The following EFCAB14 variants were observed in gnomAD, a reference collection of about 807,000 sequenced individuals.
The protein encoded by EFCAB14 is EF-hand calcium binding domain 14, also known as EF-hand calcium-binding domain-containing protein 14.
A neutral mutation model predicts 56.5 loss-of-function variants in EFCAB14; 43 were observed. The observed-to-expected ratio is 0.76, with a 90% CI of 0.60 to 0.98. The LOEUF (loss-of-function observed/expected upper bound fraction) is 0.98. Among genes scored for constraint, EFCAB14 ranks in the 50% least tolerant of loss-of-function variants. The pLI is 0.00. For synonymous variants in EFCAB14, 235 were observed against 212.9 expected (o/e 1.10, Z -0.90); for missense variants, 538 against 580.3 (o/e 0.93, Z 0.75).
At chr1:46,681,666 T>TC (rs1676797077) in intron 10 of EFCAB14, among the ~76,000 whole-genome samples, 1 of 151,418 alleles carries the variant, frequency 6.6e-6, no homozygotes, top group Middle Eastern at 3.2e-3. Flanking sequence ...GAGTTCTGTT[T>TC]TTTTTTTTCT....
intron 2 of EFCAB14, among the ~76,000 whole-genome samples, chr1:46,714,266 C>T (rs1677353123): frequency 6.6e-6 from 1 of 152,022 alleles, no homozygotes; most frequent in African/African-American, 2.4e-5. Context: ...AACTTTAATT[C>T]CAGTTCTGGA....
At chr1:46,702,742 G>A (rs1677177919) in intron 3 of EFCAB14, among the ~76,000 whole-genome samples, 2 of 152,024 alleles carry the variant, frequency 1.3e-5, no homozygotes, top group Admixed American at 1.3e-4. Flanking sequence ...AGAGTACAGT[G>A]TACAACTTTC....
chr1:46,695,048 A>G (rs1677058300), intron 4 of EFCAB14, among the ~76,000 whole-genome samples: 1 of 137,988 alleles, frequency 7.2e-6, no homozygotes, highest in East Asian at 2.3e-4. Flanking sequence ...TGGACACAGG[A>G]AGGGGAACAT....
At chr1:46,703,607 T>C (rs1283633657) in intron 3 of EFCAB14, among the ~76,000 whole-genome samples, 1 of 152,156 alleles carries the variant, frequency 6.6e-6, no homozygotes, top group Non-Finnish European at 1.5e-5. Context: ...TCCCTGCACT[T>C]TGGAACAATA....
intron 10 of EFCAB14, among the ~76,000 whole-genome samples, chr1:46,681,704 C>T (rs1285097041): frequency 6.8e-6 from 1 of 147,818 alleles, no homozygotes; most frequent in South Asian, 2.1e-4. Flanking sequence ...GTTTATACAA[C>T]ATGCTACACT....
intron 3 of EFCAB14, among the ~76,000 whole-genome samples, chr1:46,701,817 TG>T (rs1677162525): frequency 6.6e-6 from 1 of 152,240 alleles, no homozygotes. Flanking sequence ...TTATAAAACC[TG>T]GATCACCCAC....
rs558484689 is a variant in EFCAB14, at chr1:46,676,382, G to A, written c.*2079C>T. The A allele has an allele frequency of 6.6e-6, 1 of 152,398 alleles. No homozygotes were observed. Among genetic ancestry groups the A allele is most frequent in the African/African-American group, 2.4e-5 (1 of 41,496 alleles). 9.4% of individuals were successfully genotyped at this position (152,398 alleles called of 1,614,324 possible). A position where few individuals can be genotyped will look rare whatever the true frequency, so the allele number is the denominator to read the frequency against. The stretch of plus-strand genomic sequence containing the variant: ...TCCATGTATAGTTATCTGATGCAAG[G>A]GAAAATACACACAACAAAGAGTTAA... On this transcript the variant is annotated 3_prime_UTR_variant, in exon 11 of 11. Coordinates refer to ENST00000371933, the MANE Select transcript of EFCAB14 (RefSeq NM_014774.3).
At chr1:46,687,025 G>T (rs1229766102) in intron 7 of EFCAB14, 155 bp from the exon 8 acceptor site, 2 of 659,898 alleles carry the variant, frequency 3.0e-6, no homozygotes, top group Non-Finnish European at 5.2e-6. Context: ...GAGATGGGAG[G>T]AGAGAGGGAG....
rs138498802 is a variant in EFCAB14, at chr1:46,701,879, G to A, written c.481-5230C>T. Among the ~76,000 whole-genome samples, 1,505 of 152,242 alleles carry A rather than the reference G, an allele frequency of 9.9e-3. 9 individuals are homozygous for A. The highest frequency in any genetic ancestry group is 0.016 in the Non-Finnish European group (1,088 of 68,016). On this transcript the variant is annotated intron_variant, in intron 3 of 10. Coordinates refer to ENST00000371933, the MANE Select transcript of EFCAB14 (RefSeq NM_014774.3). ...CCCATAAATTACAAAGCTGGATTCCGTCTTCTAGCATTTCTCTCTTCAGTA... is the reference window on the plus strand; with the variant it reads ...CCCATAAATTACAAAGCTGGATTCCATCTTCTAGCATTTCTCTCTTCAGTA...
At position 46,675,871 on chromosome 1, in the gene EFCAB14, A is replaced by C. The variant is rs1676686408; in HGVS notation, c.*2590T>G. ...AGATAGTACAAGGCAAAAGAAAACA[A>C]GGACCAAGAAGCAGTGCTTTGAGTA... On this transcript the variant is annotated 3_prime_UTR_variant, in exon 11 of 11. Transcript: ENST00000371933. 1.3e-5 allele frequency: 2 copies of C among 152,258 alleles called. No homozygotes were observed. The highest frequency in any genetic ancestry group is 4.8e-5 in the African/African-American group (2 of 41,474). 9.4% of individuals were successfully genotyped at this position (152,258 alleles called of 1,614,324 possible). A position where few individuals can be genotyped will look rare whatever the true frequency, so the allele number is the denominator to read the frequency against.
chr1:46,681,107 C>T (rs951047786), intron 10 of EFCAB14, among the ~76,000 whole-genome samples: 11 of 151,736 alleles, frequency 7.2e-5, no homozygotes, highest in Admixed American at 2.0e-4. Context: ...ACAGGGTGTG[C>T]GCTACCACGC....
At chr1:46,709,142 C>G (rs927949207) in intron 2 of EFCAB14, among the ~76,000 whole-genome samples, 1 of 152,156 alleles carries the variant, frequency 6.6e-6, no homozygotes, top group Non-Finnish European at 1.5e-5. Flanking sequence ...TTAGAACACT[C>G]CTGACACATT....
chr1:46,708,131 A>G, intron 2 of EFCAB14, 80 bp from the exon 3 acceptor site: 1 of 1,330,248 alleles, frequency 7.5e-7, no homozygotes, highest in Non-Finnish European at 1.0e-6. Context: ...ATCAAACAGT[A>G]GGAAAGAAGA....
intron 2 of EFCAB14, among the ~76,000 whole-genome samples, chr1:46,712,058 G>T (rs1011204023): frequency 6.6e-6 from 1 of 152,190 alleles, no homozygotes; most frequent in African/African-American, 2.4e-5. Context: ...TGAAGGCCCA[G>T]AAAGAATAAG....
At chr1:46,702,207 G>A (rs17102449) in intron 3 of EFCAB14, among the ~76,000 whole-genome samples, 1,817 of 152,260 alleles carry the variant, frequency 0.012, 32 homozygotes, top group African/African-American at 0.042. Context: ...TAGACCATTT[G>A]CTTAATACAT....
chr1:46,702,486 C>T (rs1677172669), intron 3 of EFCAB14, among the ~76,000 whole-genome samples: 1 of 151,998 alleles, frequency 6.6e-6, no homozygotes, highest in Non-Finnish European at 1.5e-5. Context: ...TTTAGTATTG[C>T]TACACAGCTG....
At chr1:46,681,625 C>T (rs1049776802) in intron 10 of EFCAB14, among the ~76,000 whole-genome samples, 11 of 152,000 alleles carry the variant, frequency 7.2e-5, no homozygotes, top group Non-Finnish European at 1.3e-4. Flanking sequence ...GACACTTGTT[C>T]CCAATGCCTT....
In EFCAB14 at chr1:46,688,463, C is replaced by G. The variant is rs1331175477; in HGVS notation, c.877G>C (p.Glu293Gln). 1 of 1,613,948 alleles carries G rather than the reference C, an allele frequency of 6.2e-7. No homozygotes were observed. The highest frequency in any genetic ancestry group is 8.5e-7 in the Non-Finnish European group (1 of 1,179,880). Residue 293 changes from glutamate (E) to glutamine (Q), a missense_variant, in exon 7 of 11, where the codon GAG (glutamate) becomes CAG (glutamine). Glu to Gln is a conservative substitution (Grantham distance 29). Coordinates refer to ENST00000371933, the MANE Select transcript of EFCAB14 (RefSeq NM_014774.3). Reference protein sequence around the residue: ...GYQRQNDLKLEGMNETVSNLT... With the variant: ...GYQRQNDLKLQGMNETVSNLT... ...TTACTGACTGTCTCGTTCATTCCCTCGAGTTTAAGATCATTCTGTCTCTGG... is the reference window on the plus strand; with the variant it reads ...TTACTGACTGTCTCGTTCATTCCCTGGAGTTTAAGATCATTCTGTCTCTGG...
chr1:46,696,813 AG>A (rs1257449580), intron 3 of EFCAB14, among the ~76,000 whole-genome samples, 164 bp from the exon 4 acceptor site: 1 of 152,224 alleles, frequency 6.6e-6, no homozygotes, highest in East Asian at 1.9e-4. Flanking sequence ...CTTTGGATAG[AG>A]TTGGGATCTG....
Sources: allele counts gnomAD v4.1 joint callset (sites outside exome capture counted in the v4.1 genomes callset), GRCh38; gene constraint gnomAD v4.1.1; transcripts MANE v1.5; gene names NCBI Gene and HGNC (gene_info 2026-07-23, HGNC 2026-07-21).